MAML2: variants seen among roughly 807,000 people sequenced by gnomAD.
MAML2 encodes the protein mastermind-like protein 2.
Under a neutral mutation model 96.1 loss-of-function variants are expected in MAML2, and 22 were observed. The ratio of observed to expected loss-of-function variants is 0.23; its 90% CI spans 0.16 to 0.33. The LOEUF is 0.33. Ranked by LOEUF, MAML2 falls within the 10% of genes least tolerant of loss-of-function variation. The probability of loss-of-function intolerance (pLI) is 1.00; values close to 1 mark genes in which losing one functional copy is unlikely to be tolerated. For missense variants in MAML2, 1,367 were observed against 1,392.4 expected (o/e 0.98, Z 0.29); for synonymous variants, 561 against 521.3 (o/e 1.08, Z -1.04).
chr11:96,094,706 G>T (rs1045110676), intron 1 of MAML2, among the ~76,000 whole-genome samples: 3 of 152,124 alleles, frequency 2.0e-5, no homozygotes, highest in Admixed American at 2.0e-4. Flanking sequence ...TTGTTGATTT[G>T]TCTCTGAAGT....
At chr11:96,147,390 C>A (rs940190899) in intron 1 of MAML2, among the ~76,000 whole-genome samples, 1 of 152,170 alleles carries the variant, frequency 6.6e-6, no homozygotes, top group Non-Finnish European at 1.5e-5. Flanking sequence ...TCATTTTTTT[C>A]ATCCTTTATC....
chr11:96,129,201 T>C (rs1860503119), intron 1 of MAML2, among the ~76,000 whole-genome samples: 1 of 152,226 alleles, frequency 6.6e-6, no homozygotes, highest in South Asian at 2.1e-4. Context: ...GCACCCCACC[T>C]TGAACATACA....
intron 2 of MAML2, among the ~76,000 whole-genome samples, chr11:96,071,357 G>C (rs1859341688): frequency 1.3e-5 from 2 of 152,264 alleles, no homozygotes; most frequent in South Asian, 4.1e-4. Flanking sequence ...GCAAAGGAAA[G>C]AGCTGTGTGG....
At chr11:96,086,949 A>G (rs1859625888) in intron 2 of MAML2, among the ~76,000 whole-genome samples, 2 of 152,178 alleles carry the variant, frequency 1.3e-5, no homozygotes, top group South Asian at 2.1e-4. Flanking sequence ...TTTCAAACAT[A>G]TATCATAAAG....
intron 2 of MAML2, among the ~76,000 whole-genome samples, chr11:96,077,315 G>T (rs1275807633): frequency 2.1e-5 from 3 of 144,342 alleles, no homozygotes; most frequent in Non-Finnish European, 4.5e-5. Context: ...CTGCCTTCTG[G>T]GTTCAAGTGA....
chr11:96,240,964 T>A (rs535335833), intron 1 of MAML2, among the ~76,000 whole-genome samples: 11 of 152,264 alleles, frequency 7.2e-5, no homozygotes, highest in Admixed American at 1.3e-4. Context: ...TCAAACAGCA[T>A]CTCCCTATGC....
chr11:96,312,219 CAAAAAAA>C (rs34658278), intron 1 of MAML2, among the ~76,000 whole-genome samples: 32 of 51,550 alleles, frequency 6.2e-4, no homozygotes, highest in Non-Finnish European at 8.7e-4. Flanking sequence ...GACTCTATCT[CAAAAAAA>C]AAAAAAAAAA....
At position 96,078,304 on chromosome 11, in the gene MAML2, A is replaced by C. The variant is rs144334744; in HGVS notation, c.2139+13588T>G. ...ATATTCTAGAAATCATGGATAGTAC[A>C]CTGTGTTATCATGGATAGTACACTG... On this transcript the variant is annotated intron_variant, in intron 2 of 4. Coordinates refer to ENST00000524717, the MANE Select transcript of MAML2 (RefSeq NM_032427.4). Among the ~76,000 whole-genome samples, 583 of 152,182 alleles carry C rather than the reference A, an allele frequency of 3.8e-3. 4 individuals are homozygous for C. Among genetic ancestry groups the C allele is most frequent in the African/African-American group, 0.013 (555 of 41,552 alleles).
At chr11:96,150,036 T>A (rs1324090584) in intron 1 of MAML2, among the ~76,000 whole-genome samples, 1 of 152,256 alleles carries the variant, frequency 6.6e-6, no homozygotes, top group Non-Finnish European at 1.5e-5. Flanking sequence ...TTGTTGGATA[T>A]CTTCGCCTGA....
chr11:96,186,823 T>C (rs1407581306), intron 1 of MAML2, among the ~76,000 whole-genome samples: 1 of 152,162 alleles, frequency 6.6e-6, no homozygotes, highest in African/African-American at 2.4e-5. Flanking sequence ...GCCCCTGGCT[T>C]TAGAGCCGGG....
At chr11:96,063,591 T>G (rs1037588330) in intron 2 of MAML2, among the ~76,000 whole-genome samples, 1 of 152,182 alleles carries the variant, frequency 6.6e-6, no homozygotes, top group Non-Finnish European at 1.5e-5. Context: ...ACCCATAATA[T>G]GTAATATTAC....
chr11:96,082,797 G>A (rs962286257), intron 2 of MAML2, among the ~76,000 whole-genome samples: 6 of 152,184 alleles, frequency 3.9e-5, no homozygotes, highest in East Asian at 3.9e-4. Context: ...ATCAAAGCAC[G>A]AAGGCAGCAG....
rs1201937658 is a variant in MAML2 at position 96,341,956 on chromosome 11, C to G, written c.-61G>C. ...TGAGGTGGAAAGAGGCTACTGCTGG[C>G]TATTGCAGGCAAGTCTGTTTTTGAC... On this transcript the variant is annotated 5_prime_UTR_variant, in exon 1 of 5. Coordinates refer to ENST00000524717, the MANE Select transcript of MAML2 (RefSeq NM_032427.4). 1 of 1,433,906 alleles carries G rather than the reference C, an allele frequency of 7.0e-7. No individual in the cohort carries two copies. The highest frequency in any genetic ancestry group is 9.2e-7 in the Non-Finnish European group (1 of 1,092,318). 88.8% of individuals were successfully genotyped at this position (1,433,906 alleles called of 1,614,324 possible).
chr11:96,021,562 T>C (rs896167957), intron 2 of MAML2, among the ~76,000 whole-genome samples: 39 of 152,164 alleles, frequency 2.6e-4, no homozygotes, highest in African/African-American at 9.2e-4. Context: ...TGAAGTAATG[T>C]GTGTCTCTCT....
intron 1 of MAML2, among the ~76,000 whole-genome samples, chr11:96,240,603 G>C (rs1862424669): frequency 1.4e-5 from 2 of 139,118 alleles, no homozygotes; most frequent in African/African-American, 5.2e-5. Context: ...TGAACTGTCT[G>C]TGTCAGTGTT....
intron 1 of MAML2, among the ~76,000 whole-genome samples, chr11:96,162,604 G>C (rs529741430): frequency 1.3e-5 from 2 of 151,802 alleles, no homozygotes; most frequent in Non-Finnish European, 2.9e-5. Flanking sequence ...CCAGCTACTC[G>C]GGAGGCTGAG....
chr11:96,051,144 C>T (rs975848488), intron 2 of MAML2, among the ~76,000 whole-genome samples: 1 of 152,130 alleles, frequency 6.6e-6, no homozygotes, highest in Non-Finnish European at 1.5e-5. Flanking sequence ...TCTATAGAAA[C>T]TTAAAATTAA....
chr11:96,335,698 G>A (rs1863912462), intron 1 of MAML2, among the ~76,000 whole-genome samples: 1 of 152,138 alleles, frequency 6.6e-6, no homozygotes. Flanking sequence ...TTGCATCATA[G>A]CTGTTGATTC....
chr11:96,117,782 A>G (rs1398188324), intron 1 of MAML2, among the ~76,000 whole-genome samples: 1 of 152,196 alleles, frequency 6.6e-6, no homozygotes, highest in Non-Finnish European at 1.5e-5. Flanking sequence ...GGACTTAAAA[A>G]TTGTACTTAA....
Sources: allele counts gnomAD v4.1 joint callset (sites outside exome capture counted in the v4.1 genomes callset), GRCh38; gene constraint gnomAD v4.1.1; transcripts MANE v1.5; gene names NCBI Gene and HGNC (gene_info 2026-07-23, HGNC 2026-07-21).